Variants in RASEF observed in about 807,000 individuals in gnomAD.
The protein encoded by RASEF is ras and EF-hand domain-containing protein.
Under a neutral mutation model 90.1 loss-of-function variants are expected in RASEF, and 68 were observed. The ratio of observed to expected loss-of-function variants is 0.75; its 90% CI spans 0.62 to 0.92. The LOEUF (loss-of-function observed/expected upper bound fraction) is 0.92. Ranked by LOEUF, RASEF falls within the 40% of genes least tolerant of loss-of-function variation. The pLI, the probability that RASEF is intolerant of heterozygous loss-of-function variation, is 0.00. For missense variants in RASEF, 949 were observed against 937.2 expected (o/e 1.01, Z -0.16); for synonymous variants, 331 against 345.2 (o/e 0.96, Z 0.46).
chr9:83,153,181 A>G, the RASEF span, among the ~76,000 whole-genome samples: 8 of 152,198 alleles, frequency 5.3e-5, no homozygotes, highest in African/African-American at 2.4e-5. Context: ...TTCTCTTAAA[A>G]GATACATTAT....
At position 82,988,055 on chromosome 9, in the gene RASEF, C is replaced by T. The variant is rs60334602; in HGVS notation, c.2117+2336G>A. On this transcript the variant is annotated intron_variant, in intron 16 of 16. Transcript: ENST00000376447. ...GCTCCAAAGACCTGCAGATCCTTCC[C>T]CACTGCCATCTGTGCCAGCAACTAT... 1.0e-2 allele frequency among the ~76,000 whole-genome samples: 1,523 copies of T among 152,346 alleles called. 23 individuals carry two copies. Among genetic ancestry groups the T allele is most frequent in the African/African-American group, 0.034 (1,431 of 41,576 alleles).
the RASEF span, among the ~76,000 whole-genome samples, chr9:83,194,340 T>A: frequency 3.4e-3 from 521 of 152,330 alleles, 3 homozygotes; most frequent in African/African-American, 0.012. Context: ...TTCTGTAGAC[T>A]GCTCCTCAAT....
intron 1 of RASEF, among the ~76,000 whole-genome samples, chr9:83,059,171 C>T (rs1341300261): frequency 2.0e-5 from 3 of 151,786 alleles, no homozygotes; most frequent in Non-Finnish European, 4.4e-5. Flanking sequence ...AAAATTGCTG[C>T]AAATGGGAGT....
the RASEF span, among the ~76,000 whole-genome samples, chr9:83,190,826 GA>G: frequency 9.9e-5 from 15 of 151,964 alleles, no homozygotes; most frequent in Non-Finnish European, 2.1e-4. Flanking sequence ...CCTGGTTTTG[GA>G]AAAAAAGACA....
At chr9:83,118,973 T>C in the RASEF span, among the ~76,000 whole-genome samples, 2 of 151,726 alleles carry the variant, frequency 1.3e-5, no homozygotes, top group East Asian at 3.9e-4. Flanking sequence ...AAAATCTTTG[T>C]AAAAAGAAGA....
chr9:83,079,169 G>A, the RASEF span, among the ~76,000 whole-genome samples: 1 of 152,142 alleles, frequency 6.6e-6, no homozygotes, highest in Non-Finnish European at 1.5e-5. Flanking sequence ...GTCTTTCAGG[G>A]TTCCTATAGT....
the RASEF span, among the ~76,000 whole-genome samples, chr9:83,207,598 C>CTTTTTTTTT: frequency 3.5e-5 from 3 of 85,454 alleles, no homozygotes; most frequent in African/African-American, 8.6e-5. Context: ...AGGAGGGCTG[C>CTTTTTTTTT]TTTTTTTTTT....
chr9:83,048,328 T>C (rs1044445639), intron 1 of RASEF: 1 of 985,298 alleles, frequency 1.0e-6, no homozygotes, highest in African/African-American at 1.7e-5. Flanking sequence ...GGAAACTCCC[T>C]GAGTGTAGCT....
chr9:83,170,162 A>T, the RASEF span, among the ~76,000 whole-genome samples: 1 of 152,180 alleles, frequency 6.6e-6, no homozygotes, highest in African/African-American at 2.4e-5. Flanking sequence ...CAGTTTTCAC[A>T]GCACCTATTA....
At chr9:83,093,724 T>C in the RASEF span, among the ~76,000 whole-genome samples, 2 of 152,208 alleles carry the variant, frequency 1.3e-5, no homozygotes, top group Non-Finnish European at 2.9e-5. Context: ...GATCTGGCTC[T>C]GGCCTTGGCC....
chr9:83,099,135 TATG>T, the RASEF span, among the ~76,000 whole-genome samples: 3 of 152,218 alleles, frequency 2.0e-5, no homozygotes, highest in African/African-American at 7.2e-5. Flanking sequence ...TCCATATATC[TATG>T]ATGTCTCATT....
chr9:83,089,947 T>TAGATATAG, the RASEF span, among the ~76,000 whole-genome samples: 21 of 143,036 alleles, frequency 1.5e-4, no homozygotes, highest in African/African-American at 5.2e-4. Flanking sequence ...GATAGATAGA[T>TAGATATAG]ATAGATATAT....
At chr9:83,117,030 T>C in the RASEF span, among the ~76,000 whole-genome samples, 1 of 152,324 alleles carries the variant, frequency 6.6e-6, no homozygotes, top group East Asian at 1.9e-4. Flanking sequence ...CTTACTTCTA[T>C]GCCTTATGAC....
chr9:83,144,362 AGAAAGAAAGAAAGAAAGAAAGAAAGAAAG>A, the RASEF span, among the ~76,000 whole-genome samples: 872 of 89,788 alleles, frequency 9.7e-3, 38 homozygotes, highest in African/African-American at 0.023. Flanking sequence ...AAAGAAAGAA[AGAAAGAAAGAAAGAAAGAAAGAAAGAAAG>A]GAAAGAAAGA....
At chr9:83,175,742 G>T in the RASEF span, among the ~76,000 whole-genome samples, 2 of 151,960 alleles carry the variant, frequency 1.3e-5, no homozygotes, top group Non-Finnish European at 2.9e-5. Context: ...TGCCATGCCC[G>T]GCTAATTTTT....
chr9:83,164,548 G>A, the RASEF span, among the ~76,000 whole-genome samples: 4 of 148,576 alleles, frequency 2.7e-5, no homozygotes, highest in Non-Finnish European at 6.0e-5. Context: ...AATTTTAAAA[G>A]TTAAAGAAAT....
Position 83,062,878 on chromosome 9 carries a change from G to T in RASEF, c.-11C>A. Reference sequence around the variant, plus strand: ...CCCATCCGCCTCCATCCCGCCTGGCGGGGGCGGCCGAGAGGGCTCCGGAGC... The same window carrying T: ...CCCATCCGCCTCCATCCCGCCTGGCTGGGGCGGCCGAGAGGGCTCCGGAGC... On this transcript the variant is annotated 5_prime_UTR_variant, in exon 1 of 17. Transcript: ENST00000376447. 6.8e-7 allele frequency: 1 copy of T among 1,479,194 alleles called. No individual in the cohort carries two copies. The highest frequency in any genetic ancestry group is 8.9e-7 in the Non-Finnish European group (1 of 1,125,184). The allele number at this position is 1,479,194 out of a possible 1,614,324, so 91.6% of individuals were successfully genotyped here.
chr9:83,027,073 C>T (rs928758048), intron 1 of RASEF, among the ~76,000 whole-genome samples: 1 of 152,142 alleles, frequency 6.6e-6, no homozygotes, highest in African/African-American at 2.4e-5. Flanking sequence ...AAACACTTGA[C>T]TTAGGTTTAC....
At chr9:83,149,627 C>G in the RASEF span, among the ~76,000 whole-genome samples, 1 of 152,132 alleles carries the variant, frequency 6.6e-6, no homozygotes, top group Non-Finnish European at 1.5e-5. Flanking sequence ...AGGGCTTGAA[C>G]CCAGTGGCTT....
Sources: allele counts gnomAD v4.1 joint callset (sites outside exome capture counted in the v4.1 genomes callset), GRCh38; gene constraint gnomAD v4.1.1; transcripts MANE v1.5; gene names NCBI Gene and HGNC (gene_info 2026-07-23, HGNC 2026-07-21).